MAD1L1: variants seen among roughly 807,000 people sequenced by gnomAD.
MAD1L1 encodes the protein mitotic arrest deficient 1 like 1.
A neutral mutation model predicts 96.9 loss-of-function variants in MAD1L1; 95 were observed. The ratio of observed to expected loss-of-function variants is 0.98; its 90% CI spans 0.83 to 1.16. MAD1L1 has a LOEUF of 1.16. MAD1L1 is among the 50% of genes most tolerant of loss of function. The pLI, the probability that MAD1L1 is intolerant of heterozygous loss-of-function variation, is 0.00. For missense variants in MAD1L1, 1,007 were observed against 954.4 expected, an observed-to-expected ratio of 1.06 and a Z score of -0.73; for synonymous variants, 473 against 396.6, an observed-to-expected ratio of 1.19 and a Z score of -2.29.
intron 10 of MAD1L1, among the ~76,000 whole-genome samples, chr7:2,209,513 C>G (rs1000367753): frequency 6.6e-6 from 1 of 152,236 alleles, no homozygotes; most frequent in Non-Finnish European, 1.5e-5. Context: ...CAGTCAGGAA[C>G]AGTGGCCACA....
At chr7:1,987,149 C>T (rs1781188374) in intron 14 of MAD1L1, among the ~76,000 whole-genome samples, 2 of 152,372 alleles carry the variant, frequency 1.3e-5, no homozygotes, top group Admixed American at 1.3e-4. Context: ...CACCCCTCCC[C>T]TGCCAGCTGG....
rs1584581410 is a variant in MAD1L1 at position 2,219,446 on chromosome 7, G to T, written c.482C>A (p.Ala161Glu). 6 of 1,613,762 alleles carry T rather than the reference G, an allele frequency of 3.7e-6. No homozygotes were observed. The South Asian group carries it at 6.6e-5, about 18-fold the overall frequency. Residue 161 changes from alanine to glutamate, a missense_variant, in exon 6 of 19, where the codon GCA becomes GAA. Transcript: ENST00000265854. ...SLAQAGETINALKGRISELQW... is the reference protein window; with the variant it reads ...SLAQAGETINELKGRISELQW... ...CAGTTCCGAGATCCTCCCCTTCAGT[G>T]CGTTGATGGTCTAAAAGTAGAGGGG...
chr7:1,827,097 G>A (rs1456989476), intron 18 of MAD1L1, among the ~76,000 whole-genome samples: 7 of 152,206 alleles, frequency 4.6e-5, no homozygotes, highest in African/African-American at 9.6e-5. Flanking sequence ...GGGGTGGGGC[G>A]GCCTGCGCAG....
chr7:2,071,345 G>A (rs543583060), intron 11 of MAD1L1, among the ~76,000 whole-genome samples: 9 of 152,352 alleles, frequency 5.9e-5, no homozygotes, highest in South Asian at 4.1e-4. Context: ...ACCCTCAGCC[G>A]GCCCCAGCAG....
intron 17 of MAD1L1, among the ~76,000 whole-genome samples, chr7:1,919,791 CAG>C (rs1162321505): frequency 1.3e-5 from 2 of 152,268 alleles, no homozygotes; most frequent in Non-Finnish European, 2.9e-5. Flanking sequence ...AAACAGCTGA[CAG>C]TGTGTGGCAA....
At chr7:2,064,356 G>A (rs962072949) in intron 12 of MAD1L1, among the ~76,000 whole-genome samples, 20 of 152,022 alleles carry the variant, frequency 1.3e-4, no homozygotes, top group African/African-American at 3.4e-4. Flanking sequence ...CTGAGAACGC[G>A]CAGGGGTCCC....
intron 11 of MAD1L1, among the ~76,000 whole-genome samples, chr7:2,139,952 C>T (rs1278884154): frequency 3.3e-5 from 5 of 151,916 alleles, no homozygotes; most frequent in Non-Finnish European, 5.9e-5. Flanking sequence ...CCCCACAGGC[C>T]TCAGTTTCCC....
At chr7:2,001,233 C>T (rs772545336) in intron 14 of MAD1L1, among the ~76,000 whole-genome samples, 5 of 152,282 alleles carry the variant, frequency 3.3e-5, no homozygotes, top group Non-Finnish European at 7.3e-5. Context: ...AGCAGCTCTG[C>T]CTGTGACCCA....
At chr7:1,984,908 C>T (rs1295035704) in intron 14 of MAD1L1, among the ~76,000 whole-genome samples, 1 of 152,132 alleles carries the variant, frequency 6.6e-6, no homozygotes, top group Non-Finnish European at 1.5e-5. Context: ...GTAATTCTCT[C>T]GAGGCTTAGA....
intron 10 of MAD1L1, among the ~76,000 whole-genome samples, chr7:2,164,765 G>A (rs1637766): frequency 0.62 from 94,080 of 152,144 alleles, 30,974 homozygotes; most frequent in African/African-American, 0.85. Flanking sequence ...CTGAGCACCT[G>A]CTGTGTGCCC....
At chr7:2,090,656 A>C (rs1786161716) in intron 11 of MAD1L1, among the ~76,000 whole-genome samples, 1 of 152,068 alleles carries the variant, frequency 6.6e-6, no homozygotes, top group South Asian at 2.1e-4. Context: ...GGCAGTTCTG[A>C]GCAGGACTGG....
At chr7:1,957,981 C>G (rs1779800071) in intron 15 of MAD1L1, among the ~76,000 whole-genome samples, 1 of 152,218 alleles carries the variant, frequency 6.6e-6, no homozygotes, top group Non-Finnish European at 1.5e-5. Context: ...GTCGACCACA[C>G]CTTGGCTGGA....
chr7:2,145,406 G>A (rs1789247337), intron 11 of MAD1L1, among the ~76,000 whole-genome samples: 1 of 152,216 alleles, frequency 6.6e-6, no homozygotes, highest in African/African-American at 2.4e-5. Context: ...ATGCAGCACA[G>A]GTGCCACCGT....
chr7:1,983,569 A>T (rs1781023496), intron 14 of MAD1L1, among the ~76,000 whole-genome samples: 1 of 152,106 alleles, frequency 6.6e-6, no homozygotes, highest in Non-Finnish European at 1.5e-5. Flanking sequence ...ATCAGACAAA[A>T]CTCATAATTC....
intron 11 of MAD1L1, among the ~76,000 whole-genome samples, chr7:2,099,603 C>A (rs933789286): frequency 3.0e-5 from 3 of 100,186 alleles, no homozygotes; most frequent in African/African-American, 6.0e-5. Flanking sequence ...CGGAAGTGAG[C>A]GCATCGGGCT....
intron 14 of MAD1L1, among the ~76,000 whole-genome samples, chr7:1,982,429 G>T (rs112199120): frequency 6.6e-6 from 1 of 152,068 alleles, no homozygotes; most frequent in Non-Finnish European, 1.5e-5. Context: ...GGCTGGTCCC[G>T]ATCTCCTGAC....
chr7:2,232,000 TAG>T (rs1250072249), intron 1 of MAD1L1, among the ~76,000 whole-genome samples: 4 of 152,146 alleles, frequency 2.6e-5, no homozygotes, highest in Non-Finnish European at 5.9e-5. Context: ...ACACAGATTC[TAG>T]AGATGATGAA....
intron 10 of MAD1L1, chr7:2,210,019 AC>A (rs1352526010): frequency 1.3e-5 from 2 of 152,152 alleles, no homozygotes; most frequent in Non-Finnish European, 2.9e-5. Context: ...CCTAAGAACT[AC>A]CCCAAACCTG....
chr7:2,014,554 C>A lies in MAD1L1; in HGVS notation c.1307G>T (p.Arg436Leu). Residue 436 changes from arginine to leucine, a missense_variant, in exon 13 of 19, where the codon CGG becomes CTG. Transcript: ENST00000265854. Reference sequence around the variant, plus strand: ...CTTCTGCACCATATCCTCAGCCTCCCGCATGCGCCGCGTCAGCTGGGGTGA... The same window carrying A: ...CTTCTGCACCATATCCTCAGCCTCCAGCATGCGCCGCGTCAGCTGGGGTGA... ...EYSPQLTRRM[R>L]EAEDMVQKVH... 6.2e-7 allele frequency: 1 copy of A among 1,611,006 alleles called. No individual in the cohort carries two copies. The highest frequency in any genetic ancestry group is 8.5e-7 in the Non-Finnish European group (1 of 1,179,752).
Sources: allele counts gnomAD v4.1 joint callset (sites outside exome capture counted in the v4.1 genomes callset), GRCh38; gene constraint gnomAD v4.1.1; transcripts MANE v1.5; gene names NCBI Gene and HGNC (gene_info 2026-07-23, HGNC 2026-07-21).